The following NOTCH2NLB variants were observed in gnomAD, a reference collection of about 807,000 sequenced individuals.
NOTCH2NLB encodes notch 2 N-terminal like B, also known as notch homolog 2 N-terminal-like protein B.
Under a neutral mutation model 14.8 loss-of-function variants are expected in NOTCH2NLB, and 1 was observed. The ratio of observed to expected loss-of-function variants is 0.07; its 90% CI spans 0.02 to 0.32. The LOEUF is 0.32. Among genes scored for constraint, NOTCH2NLB ranks in the 10% least tolerant of loss-of-function variants. The probability of loss-of-function intolerance (pLI) is 1.00; values close to 1 mark genes in which losing one functional copy is unlikely to be tolerated. For synonymous variants in NOTCH2NLB, 6 were observed against 57.5 expected (o/e 0.10, Z 4.05); for missense variants, 11 against 155.0 (o/e 0.07, Z 4.93).
intron 1 of NOTCH2NLB, among the ~76,000 whole-genome samples, chr1:148,661,379 G>C (rs1664680139): frequency 6.7e-6 from 1 of 150,090 alleles, no homozygotes; most frequent in African/African-American, 2.4e-5. Context: ...CACACACAGA[G>C]TTAAATCAGA....
At chr1:148,661,753 T>A (rs1357538587) in intron 1 of NOTCH2NLB, among the ~76,000 whole-genome samples, 1 of 142,976 alleles carries the variant, frequency 7.0e-6, no homozygotes, top group Non-Finnish European at 1.6e-5. Context: ...TGGTCAAATG[T>A]CCAGTTGGAT....
chr1:148,610,048 G>A (rs1474818902), intron 3 of NOTCH2NLB, among the ~76,000 whole-genome samples: 1 of 143,332 alleles, frequency 7.0e-6, no homozygotes, highest in African/African-American at 2.7e-5. Flanking sequence ...AGCACTTTGG[G>A]AGGCTGAGGT....
intron 1 of NOTCH2NLB, among the ~76,000 whole-genome samples, chr1:148,651,156 A>AT (rs1422306675): frequency 2.2e-4 from 18 of 80,218 alleles, no homozygotes; most frequent in African/African-American, 8.1e-4. Context: ...AAAAAAAAAA[A>AT]AAAAAAATAT....
chr1:148,670,465 C>T (rs1664735661), intron 1 of NOTCH2NLB, among the ~76,000 whole-genome samples: 1 of 137,878 alleles, frequency 7.3e-6, no homozygotes, highest in Non-Finnish European at 1.6e-5. Flanking sequence ...AAAATAAAAC[C>T]TAGTGTTGAC....
At chr1:148,679,680 G>A in exon 1 of NOTCH2NLB, 3 of 1,027,110 alleles carry the variant, frequency 2.9e-6, no homozygotes, top group Non-Finnish European at 3.7e-6. Context: ...AGGCGCAAAT[G>A]CCTCGACTCC....
chr1:148,602,272 AAAAAAAAAG>A (rs1663390569), downstream of NOTCH2NLB, among the ~76,000 whole-genome samples: 1 of 69,034 alleles, frequency 1.4e-5, no homozygotes, highest in Non-Finnish European at 2.4e-5. Context: ...AAAAAAAAAA[AAAAAAAAAG>A]AAAAGAAAAG....
At chr1:148,651,086 T>A (rs1264729038) in intron 1 of NOTCH2NLB, among the ~76,000 whole-genome samples, 1 of 119,338 alleles carries the variant, frequency 8.4e-6, no homozygotes, top group African/African-American at 3.1e-5. Flanking sequence ...GAGCTTGCAA[T>A]GAGCCGAGAT....
chr1:148,629,990 TC>T (rs1274406490), intron 2 of NOTCH2NLB, among the ~76,000 whole-genome samples: 4 of 72,118 alleles, frequency 5.5e-5, no homozygotes, highest in African/African-American at 9.0e-5. Flanking sequence ...TTACTCTGGA[TC>T]CCTCATATGA....
chr1:148,670,578 A>AT (rs1664757158), intron 1 of NOTCH2NLB, among the ~76,000 whole-genome samples: 24 of 135,122 alleles, frequency 1.8e-4, no homozygotes, highest in South Asian at 2.4e-4. Context: ...ATATATATAT[A>AT]AATAAATCAA....
At chr1:148,604,990 C>CAT (rs1216932947), downstream of NOTCH2NLB, among the ~76,000 whole-genome samples, 15 of 117,976 alleles carry the variant, frequency 1.3e-4, no homozygotes, top group African/African-American at 4.1e-4. Context: ...CACACACACA[C>CAT]ATTGATATGT....
intron 1 of NOTCH2NLB, among the ~76,000 whole-genome samples, chr1:148,670,551 TAC>T (rs1411802880): frequency 0.07 from 5,570 of 79,868 alleles, 106 homozygotes; most frequent in East Asian, 0.12. Flanking sequence ...TATATATATA[TAC>T]ATATATATAT....
intron 3 of NOTCH2NLB, among the ~76,000 whole-genome samples, chr1:148,610,279 AAGAC>A (rs1210284051): frequency 4.3e-5 from 5 of 116,370 alleles, no homozygotes; most frequent in African/African-American, 1.5e-4. Flanking sequence ...AGAAGAAAGA[AAGAC>A]AGAAAGAGAG....
chr1:148,673,949 C>T (rs1664803127), intron 1 of NOTCH2NLB, among the ~76,000 whole-genome samples: 1 of 96,814 alleles, frequency 1.0e-5, no homozygotes, highest in South Asian at 5.0e-4. Flanking sequence ...CATGAGAACA[C>T]CTGAGCTATT....
chr1:148,610,296 G>GGAAAGAGAGA (rs1311339979), intron 3 of NOTCH2NLB, among the ~76,000 whole-genome samples: 1 of 66,846 alleles, frequency 1.5e-5, no homozygotes, highest in East Asian at 3.9e-4. Flanking sequence ...AAAGAGAGAG[G>GGAAAGAGAGA]GAAAGAGAGA....
chr1:148,622,278 G>A (rs1452823450), intron 2 of NOTCH2NLB, among the ~76,000 whole-genome samples: 1 of 107,048 alleles, frequency 9.3e-6, no homozygotes, highest in Non-Finnish European at 1.8e-5. Context: ...GCTGAGGCAG[G>A]AGAATGGCAT....
intron 2 of NOTCH2NLB, among the ~76,000 whole-genome samples, chr1:148,638,915 GAA>G (rs1664278469): frequency 1.4e-5 from 2 of 141,600 alleles, no homozygotes; most frequent in Non-Finnish European, 3.1e-5. Flanking sequence ...TGAAGGAAAA[GAA>G]GAGAAATTTC....
downstream of NOTCH2NLB, among the ~76,000 whole-genome samples, chr1:148,605,368 A>G (rs1434584161): frequency 7.0e-6 from 1 of 143,512 alleles, no homozygotes; most frequent in African/African-American, 2.7e-5. Context: ...TTCCTGAGTC[A>G]CCAAAAAAAT....
chr1:148,651,160 AAAAT>A (rs1421688751), intron 1 of NOTCH2NLB, among the ~76,000 whole-genome samples: 2,505 of 45,644 alleles, frequency 0.055, no homozygotes, highest in Non-Finnish European at 0.081. Flanking sequence ...AAAAAAAAAA[AAAAT>A]ATATATATAT....
Position 148,628,239 on chromosome 1 carries a change from G to A in NOTCH2NLB, c.77+11777C>T, listed in dbSNP as rs1220534666. On this transcript the variant is annotated intron_variant, in intron 2 of 4. Coordinates refer to ENST00000593495, the Ensembl canonical transcript of NOTCH2NLB. ...ATAAGACTGACTACATAAACCACCA[G>A]GGACCTGGAGCCCTGACTAAAAAAA... is the stretch of plus-strand genomic sequence containing the variant. 3.1e-5 allele frequency among the ~76,000 whole-genome samples: 4 copies of A among 131,138 alleles called. 2 individuals are homozygous for A. The highest frequency in any genetic ancestry group is 1.4e-4 in the African/African-American group (4 of 29,406). The allele number at this position is 131,138 out of a possible 152,430, so 86.0% of individuals were successfully genotyped here.
Sources: gnomAD v4.1 joint callset for allele counts (sites outside exome capture counted in the v4.1 genomes callset) on GRCh38, gnomAD v4.1.1 for gene constraint, MANE v1.5 for transcripts, NCBI Gene and HGNC (gene_info 2026-07-23, HGNC 2026-07-21) for gene names.